Variants in RBFOX1 observed in about 807,000 individuals in gnomAD.
The protein encoded by RBFOX1 is RNA binding fox-1 homolog 1.
RBFOX1 carries 8 observed loss-of-function variants against 57.7 expected under a neutral mutation model. The ratio of observed to expected loss-of-function variants is 0.14; its 90% CI spans 0.08 to 0.25. RBFOX1 has a LOEUF of 0.25. Among genes scored for constraint, RBFOX1 ranks in the 10% least tolerant of loss-of-function variants. The pLI, the probability that RBFOX1 is intolerant of heterozygous loss-of-function variation, is 1.00. For synonymous variants in RBFOX1, 326 were observed against 222.4 expected (o/e 1.47, Z -4.15); for missense variants, 611 against 548.5 (o/e 1.11, Z -1.14).
chr16:7,318,603 A>G (rs895892421), intron 4 of RBFOX1, among the ~76,000 whole-genome samples: 3 of 152,238 alleles, frequency 2.0e-5, no homozygotes, highest in African/African-American at 7.2e-5. Context: ...TAAAATCAGA[A>G]TAGCGTTCCT....
At chr16:5,557,135 C>A (rs2045708345) in intron 2 of RBFOX1, among the ~76,000 whole-genome samples, 1 of 151,962 alleles carries the variant, frequency 6.6e-6, no homozygotes, top group Non-Finnish European at 1.5e-5. Flanking sequence ...TGGCAGGCAC[C>A]TGTAGTCCCA....
chr16:5,413,589 G>A (rs546453157), intron 1 of RBFOX1, among the ~76,000 whole-genome samples: 1 of 152,282 alleles, frequency 6.6e-6, no homozygotes, highest in South Asian at 2.1e-4. Flanking sequence ...TGTCACGGGA[G>A]GTTCTGTTGG....
chr16:7,472,614 A>C (rs951092758), intron 4 of RBFOX1, among the ~76,000 whole-genome samples: 37 of 152,212 alleles, frequency 2.4e-4, no homozygotes, highest in African/African-American at 8.0e-4. Context: ...CCAGCAATTC[A>C]GTTCTTCTCC....
chr16:5,476,224 G>A (rs935610489), intron 2 of RBFOX1, among the ~76,000 whole-genome samples: 1 of 152,106 alleles, frequency 6.6e-6, no homozygotes, highest in Admixed American at 6.6e-5. Flanking sequence ...GTTCTGCAGT[G>A]TACACATATC....
intron 3 of RBFOX1, among the ~76,000 whole-genome samples, chr16:5,674,708 G>A (rs543422355): frequency 1.3e-5 from 2 of 152,158 alleles, no homozygotes; most frequent in African/African-American, 4.8e-5. Flanking sequence ...GTTGGAGAAA[G>A]GTTTTGATTC....
intron 1 of RBFOX1, among the ~76,000 whole-genome samples, chr16:5,439,197 G>A (rs960635257): frequency 2.0e-5 from 3 of 152,062 alleles, no homozygotes; most frequent in African/African-American, 7.2e-5. Context: ...TGAGTCGGAA[G>A]GAGAAGATGT....
chr16:5,913,599 A>C (rs1459894445), intron 4 of RBFOX1, among the ~76,000 whole-genome samples: 1 of 152,214 alleles, frequency 6.6e-6, no homozygotes, highest in Non-Finnish European at 1.5e-5. Flanking sequence ...CCATGCTTGT[A>C]CAGCCTGAAG....
rs562036109 is a variant in RBFOX1 at position 6,972,691 on chromosome 16, T to G, written c.-15-79366T>G. 2.3e-4 allele frequency among the ~76,000 whole-genome samples: 35 copies of G among 152,144 alleles called. 1 individual carries two copies. The highest frequency in any genetic ancestry group is 7.2e-4 in the African/African-American group (30 of 41,510). ...GACAACCTGAGTGGAGGGCTGGCCTTGATAGAGATGGAGGCAGAGGTGGTC... is the reference window on the plus strand; with the variant it reads ...GACAACCTGAGTGGAGGGCTGGCCTGGATAGAGATGGAGGCAGAGGTGGTC... On this transcript the variant is annotated intron_variant, in intron 3 of 15. Coordinates refer to ENST00000550418, the MANE Select transcript of RBFOX1 (RefSeq NM_018723.4).
At chr16:7,063,872 A>G (rs1012947822) in intron 4 of RBFOX1, among the ~76,000 whole-genome samples, 2 of 152,216 alleles carry the variant, frequency 1.3e-5, no homozygotes, top group Admixed American at 1.3e-4. Context: ...TGCATAGGTT[A>G]TATGCAAATA....
At chr16:6,842,516 C>T (rs1214576506) in intron 3 of RBFOX1, among the ~76,000 whole-genome samples, 4 of 152,016 alleles carry the variant, frequency 2.6e-5, no homozygotes, top group Non-Finnish European at 5.9e-5. Flanking sequence ...TATTTTTATC[C>T]TGCCCTTTTC....
chr16:5,369,023 G>T (rs2065794962), intron 1 of RBFOX1, among the ~76,000 whole-genome samples: 1 of 151,980 alleles, frequency 6.6e-6, no homozygotes, highest in African/African-American at 2.4e-5. Flanking sequence ...TTTGTTTTGA[G>T]ACGAGTCTTG....
At chr16:6,307,363 CAG>C (rs1308514531) in intron 1 of RBFOX1, among the ~76,000 whole-genome samples, 1 of 151,168 alleles carries the variant, frequency 6.6e-6, no homozygotes, top group Non-Finnish European at 1.5e-5. Context: ...GCCTGGGTGA[CAG>C]AGAGAGACTC....
Position 7,111,931 on chromosome 16 carries a change from A to C in RBFOX1, c.27+59833A>C, listed in dbSNP as rs184656761. On this transcript the variant is annotated intron_variant, in intron 4 of 15. Coordinates refer to ENST00000550418, the MANE Select transcript of RBFOX1 (RefSeq NM_018723.4). ...TGTTCTTCAAGTGGTCTCATTCACA[A>C]TTGATAAGCTGACTTGTCACCCTGA... Among the ~76,000 whole-genome samples the C allele has an allele frequency of 4.4e-4, 67 of 152,262 alleles. 1 individual carries two copies. In the East Asian group the frequency reaches 0.01, roughly 23 times the overall value.
rs555682208 is a variant in RBFOX1 at position 7,180,442 on chromosome 16, C to T, written c.27+128344C>T. On this transcript the variant is annotated intron_variant, in intron 4 of 15. Coordinates refer to ENST00000550418, the MANE Select transcript of RBFOX1 (RefSeq NM_018723.4). Reference sequence around the variant, plus strand: ...TCATCAGATGCCGGGCAAGGTGAAGCCCTACATTCTACAGACGTGTTTTCA... The same window carrying T: ...TCATCAGATGCCGGGCAAGGTGAAGTCCTACATTCTACAGACGTGTTTTCA... Among the ~76,000 whole-genome samples the T allele has an allele frequency of 5.3e-5, 8 of 152,204 alleles. No individual in the cohort carries two copies. The South Asian group carries it at 1.5e-3, about 28-fold the overall frequency.
intron 5 of RBFOX1, among the ~76,000 whole-genome samples, chr16:7,544,940 A>T (rs74520458): frequency 2.0e-5 from 3 of 152,118 alleles, no homozygotes; most frequent in African/African-American, 7.2e-5. Flanking sequence ...CTTCACTCCA[A>T]TAGCAGCTCA....
chr16:6,867,595 T>G (rs1185687077), intron 3 of RBFOX1, among the ~76,000 whole-genome samples: 2 of 152,250 alleles, frequency 1.3e-5, no homozygotes, highest in African/African-American at 2.4e-5. Context: ...GGTACCGGCC[T>G]GTAATCCCAG....
At chr16:7,643,141 A>T (rs1043891380) in intron 11 of RBFOX1, among the ~76,000 whole-genome samples, 5 of 152,216 alleles carry the variant, frequency 3.3e-5, no homozygotes, top group Admixed American at 6.5e-5. Context: ...CACCAATTCT[A>T]CTGCCTTCGC....
intron 1 of RBFOX1, among the ~76,000 whole-genome samples, chr16:5,277,658 C>T (rs778642368): frequency 2.6e-5 from 4 of 152,130 alleles, no homozygotes; most frequent in Admixed American, 6.6e-5. Flanking sequence ...TCCATAACTG[C>T]GGTCTCTATC....
intron 1 of RBFOX1, among the ~76,000 whole-genome samples, chr16:6,075,308 TG>T (rs1368800431): frequency 1.3e-5 from 2 of 152,090 alleles, no homozygotes; most frequent in African/African-American, 4.8e-5. Flanking sequence ...TCCAGGGAGG[TG>T]GAAAATAAAT....
Sources: allele counts gnomAD v4.1 joint callset (sites outside exome capture counted in the v4.1 genomes callset), GRCh38; gene constraint gnomAD v4.1.1; transcripts MANE v1.5; gene names NCBI Gene and HGNC (gene_info 2026-07-23, HGNC 2026-07-21).